Variants in C7 observed in about 807,000 individuals in gnomAD.
C7 encodes the protein complement C7.
A neutral mutation model predicts 104.8 loss-of-function variants in C7; 83 were observed. That is an observed-to-expected ratio of 0.79 (90% CI 0.66 to 0.95). The LOEUF (loss-of-function observed/expected upper bound fraction) is 0.95, where lower values mean the gene tolerates loss of function less well. Among genes scored for constraint, C7 ranks in the 40% least tolerant of loss-of-function variants. The pLI is 0.00. For synonymous variants in C7, 415 were observed against 360.6 expected, an observed-to-expected ratio of 1.15 and a Z score of -1.71; for missense variants, 1,070 against 1,011.2, an observed-to-expected ratio of 1.06 and a Z score of -0.79.
chr5:40,930,690 G>A (rs571902129), intron 2 of C7, among the ~76,000 whole-genome samples: 9 of 151,764 alleles, frequency 5.9e-5, no homozygotes, highest in African/African-American at 1.9e-4. Flanking sequence ...AGCCTCCCGG[G>A]TAGCTGATAT....
At chr5:40,969,005 CA>C (rs1355292061) in intron 14 of C7, among the ~76,000 whole-genome samples, 2 of 151,986 alleles carry the variant, frequency 1.3e-5, no homozygotes, top group Non-Finnish European at 2.9e-5. Context: ...TTTTAGCTTA[CA>C]AAAAACTGAC....
intron 6 of C7, among the ~76,000 whole-genome samples, chr5:40,939,077 T>C (rs1384771315): frequency 6.6e-6 from 1 of 152,200 alleles, no homozygotes; most frequent in Non-Finnish European, 1.5e-5. Context: ...CTTTTAATAT[T>C]GATTACTTCT....
At chr5:40,963,357 A>G (rs921482343) in intron 13 of C7, among the ~76,000 whole-genome samples, 1 of 152,214 alleles carries the variant, frequency 6.6e-6, no homozygotes, top group Non-Finnish European at 1.5e-5. Context: ...GCATTTGTGC[A>G]CTGTTGAATC....
intron 17 of C7, 91 bp downstream of exon 17, chr5:40,980,000 C>T (rs2292727): frequency 0.23 from 253,970 of 1,100,286 alleles, 30,949 homozygotes; most frequent in African/African-American, 0.36. Context: ...AGCAGTGGGC[C>T]GAAGAAGATA....
chr5:40,919,723 G>C (rs1413056205), intron 1 of C7, among the ~76,000 whole-genome samples: 1 of 151,838 alleles, frequency 6.6e-6, no homozygotes, highest in Non-Finnish European at 1.5e-5. Flanking sequence ...CAACCAATAG[G>C]TCAATGAAAT....
chr5:40,964,083 C>T (rs937950009), intron 13 of C7, among the ~76,000 whole-genome samples: 3 of 121,130 alleles, frequency 2.5e-5, no homozygotes, highest in Non-Finnish European at 4.9e-5. Flanking sequence ...TGCTCTGTCA[C>T]ACAGGCTGGC....
At chr5:40,948,306 A>G (rs1310298467) in intron 8 of C7, among the ~76,000 whole-genome samples, 1 of 152,162 alleles carries the variant, frequency 6.6e-6, no homozygotes, top group Non-Finnish European at 1.5e-5. Context: ...TACTTGTAAC[A>G]ATAGCTTAAA....
intron 10 of C7, among the ~76,000 whole-genome samples, chr5:40,956,088 G>A (rs1186856447): frequency 6.6e-6 from 1 of 152,006 alleles, no homozygotes; most frequent in African/African-American, 2.4e-5. Flanking sequence ...CACAATAAAG[G>A]GCTTAAGGAA....
intron 14 of C7, among the ~76,000 whole-genome samples, chr5:40,968,586 ATATATATATATATATTTTTTTTTT>A (rs1262022961): frequency 1.0e-4 from 8 of 76,480 alleles, no homozygotes; most frequent in African/African-American, 1.5e-4. Flanking sequence ...ATATATATAT[ATATATATATATATATTTTTTTTTT>A]TTTTTTTTTT....
intron 12 of C7, among the ~76,000 whole-genome samples, chr5:40,959,919 C>T (rs1740389670): frequency 6.6e-6 from 1 of 152,138 alleles, no homozygotes; most frequent in South Asian, 2.1e-4. Flanking sequence ...AGTTACTGGC[C>T]ACATCTCTAA....
chr5:40,929,359 A>G (rs983174944), intron 2 of C7, among the ~76,000 whole-genome samples: 1 of 152,176 alleles, frequency 6.6e-6, no homozygotes, highest in East Asian at 1.9e-4. Flanking sequence ...AGCCCTCTCC[A>G]TTTCCCCAGG....
intron 17 of C7, 60 bp downstream of exon 17, chr5:40,979,969 A>T: frequency 2.1e-6 from 3 of 1,424,932 alleles, no homozygotes; most frequent in Non-Finnish European, 2.8e-6. Flanking sequence ...CTGAGGATTT[A>T]AAAAATGTGG....
At chr5:40,975,944 G>C (rs1018543683) in intron 15 of C7, among the ~76,000 whole-genome samples, 1 of 152,082 alleles carries the variant, frequency 6.6e-6, no homozygotes, top group Non-Finnish European at 1.5e-5. Context: ...AAGCTATTAC[G>C]AGGTGAAAAA....
At chr5:40,971,619 TG>T (rs1740698972) in intron 14 of C7, among the ~76,000 whole-genome samples, 2 of 152,244 alleles carry the variant, frequency 1.3e-5, no homozygotes, top group Non-Finnish European at 2.9e-5. Context: ...TTTTGGTTTT[TG>T]TTGCAATTGT....
At chr5:40,915,078 G>C (rs887499520) in intron 1 of C7, among the ~76,000 whole-genome samples, 1 of 152,192 alleles carries the variant, frequency 6.6e-6, no homozygotes, top group East Asian at 1.9e-4. Context: ...AGAATCGAAA[G>C]TGATTAACAA....
chr5:40,918,591 G>A (rs895852671), intron 1 of C7, among the ~76,000 whole-genome samples: 7 of 151,876 alleles, frequency 4.6e-5, no homozygotes, highest in African/African-American at 1.7e-4. Flanking sequence ...TGAAAATTAG[G>A]CAATGGAAGA....
intron 14 of C7, 147 bp from the exon 15 acceptor site, chr5:40,972,256 A>G (rs1048011257): frequency 8.9e-6 from 6 of 677,184 alleles, no homozygotes; most frequent in East Asian, 2.7e-5. Flanking sequence ...CATGTCTTTC[A>G]GTCCACCCTA....
chr5:40,939,502 T>C (rs560026741), intron 6 of C7, among the ~76,000 whole-genome samples: 2 of 152,322 alleles, frequency 1.3e-5, no homozygotes, highest in South Asian at 4.1e-4. Flanking sequence ...CAGCCTTTTA[T>C]TTTTCCATTA....
chr5:40,962,151 C>G lies in C7; in HGVS notation c.1728C>G (p.Ala576=), dbSNP rs764603866. ...CAGAATTCTGTCCATCACCTCCTGC[C>G]TTGAAAGATGGATTTGTTCAAGTTG... is the stretch of plus-strand genomic sequence containing the variant. The part of the protein sequence containing the change: ...VPTEFCPSPP[A]LKDGFVQDEG... Residue 576 remains alanine (A), a synonymous_variant, in exon 13 of 18, where the codon GCC becomes GCG. Transcript: ENST00000313164. 1 of 1,563,430 alleles carries G rather than the reference C, an allele frequency of 6.4e-7. No individual in the cohort carries two copies. Among genetic ancestry groups the G allele is most frequent in the Non-Finnish European group, 8.7e-7 (1 of 1,149,512 alleles).
Sources: allele counts gnomAD v4.1 joint callset (sites outside exome capture counted in the v4.1 genomes callset), GRCh38; gene constraint gnomAD v4.1.1; transcripts MANE v1.5; gene names NCBI Gene and HGNC (gene_info 2026-07-23, HGNC 2026-07-21).